The following ROBO2 variants were observed in gnomAD, a reference collection of about 807,000 sequenced individuals.
The protein encoded by ROBO2 is roundabout homolog 2.
Under a neutral mutation model 160.8 loss-of-function variants are expected in ROBO2, and 53 were observed. The observed-to-expected ratio is 0.33, with a 90% CI of 0.26 to 0.41. The LOEUF (loss-of-function observed/expected upper bound fraction) is 0.41, where lower values mean the gene tolerates loss of function less well. Among genes scored for constraint, ROBO2 ranks in the 10% least tolerant of loss-of-function variants. The pLI is 1.00. For missense variants in ROBO2, 1,577 were observed against 1,722.4 expected (o/e 0.92, Z 1.49); for synonymous variants, 664 against 611.7 (o/e 1.09, Z -1.26).
At chr3:76,212,681 C>T (rs958541751) in intron 2 of ROBO2, among the ~76,000 whole-genome samples, 1 of 152,072 alleles carries the variant, frequency 6.6e-6, no homozygotes, top group Non-Finnish European at 1.5e-5. Context: ...ATAATTAATT[C>T]TGATTCATCA....
intron 2 of ROBO2, among the ~76,000 whole-genome samples, chr3:77,177,024 TA>T (rs55852321): frequency 6.6e-6 from 1 of 151,532 alleles, no homozygotes. Context: ...GTTTTTGACT[TA>T]AAAAAATGGA....
intron 2 of ROBO2, among the ~76,000 whole-genome samples, chr3:76,013,053 G>T (rs887485504): frequency 6.7e-6 from 1 of 148,290 alleles, no homozygotes; most frequent in Admixed American, 6.8e-5. Flanking sequence ...GGTGGCTTAT[G>T]CGTGTAATCC....
In ROBO2 at chr3:77,118,540, T is replaced by A. The variant is rs569815566; in HGVS notation, c.388+20200T>A. The stretch of plus-strand genomic sequence containing the variant: ...ATGTTTTACACAGTTATTTTAAAAT[T>A]GGAGATGCTCCCTACGTGCACTCTA... On this transcript the variant is annotated intron_variant, in intron 2 of 25. Transcript: ENST00000461745. 3.9e-5 allele frequency among the ~76,000 whole-genome samples: 6 copies of A among 152,306 alleles called. No individual in the cohort carries two copies. In the South Asian group the frequency reaches 1.2e-3, roughly 32 times the overall value.
chr3:76,829,416 C>A (rs557121052), intron 2 of ROBO2, among the ~76,000 whole-genome samples: 3 of 152,102 alleles, frequency 2.0e-5, no homozygotes, highest in South Asian at 4.1e-4. Flanking sequence ...CACCATGGCA[C>A]GTGTATACCT....
chr3:76,576,403 T>G (rs1650387306), intron 2 of ROBO2, among the ~76,000 whole-genome samples: 2 of 152,066 alleles, frequency 1.3e-5, no homozygotes, highest in South Asian at 4.1e-4. Flanking sequence ...AATTCTTGAA[T>G]GCAACCGTCT....
At chr3:77,596,794 T>A in intron 19 of ROBO2, 44 bp downstream of exon 20, 1 of 1,505,214 alleles carries the variant, frequency 6.6e-7, no homozygotes, top group Admixed American at 2.1e-5. Flanking sequence ...GTTCTCTCTC[T>A]CTTTTTTTTT....
At chr3:77,137,809 C>T (rs528059211) in intron 2 of ROBO2, among the ~76,000 whole-genome samples, 7 of 152,264 alleles carry the variant, frequency 4.6e-5, no homozygotes, top group South Asian at 2.1e-4. Context: ...ATTTTATCTG[C>T]GTAAGCCTGA....
At chr3:75,962,746 T>A (rs7631453) in intron 2 of ROBO2, among the ~76,000 whole-genome samples, 173 of 152,014 alleles carry the variant, frequency 1.1e-3, no homozygotes, top group African/African-American at 4.0e-3. Context: ...GCAATTGTTT[T>A]CCAAATATAA....
chr3:76,403,082 T>A (rs373716388), intron 2 of ROBO2, among the ~76,000 whole-genome samples: 2 of 151,588 alleles, frequency 1.3e-5, no homozygotes, highest in Admixed American at 1.3e-4. Flanking sequence ...CATACAACTT[T>A]GGAATGTACA....
intron 23 of ROBO2, among the ~76,000 whole-genome samples, chr3:77,628,801 C>T (rs2095093324): frequency 6.6e-6 from 1 of 152,202 alleles, no homozygotes; most frequent in African/African-American, 2.4e-5. Context: ...CACAACTACA[C>T]TAACGTGAGA....
chr3:77,186,119 C>A (rs2081265609), intron 2 of ROBO2, among the ~76,000 whole-genome samples: 1 of 151,836 alleles, frequency 6.6e-6, no homozygotes, highest in Non-Finnish European at 1.5e-5. Flanking sequence ...ATCTCACCAT[C>A]ACCGTGAAAT....
chr3:76,768,025 G>A (rs1026761586), intron 2 of ROBO2, among the ~76,000 whole-genome samples: 1 of 151,364 alleles, frequency 6.6e-6, no homozygotes, highest in Non-Finnish European at 1.5e-5. Flanking sequence ...TTTGTTTTTA[G>A]CCAATTGGCA....
At chr3:77,480,687 A>G (rs2153588257) in intron 3 of ROBO2, among the ~76,000 whole-genome samples, 1 of 152,118 alleles carries the variant, frequency 6.6e-6, no homozygotes, top group Non-Finnish European at 1.5e-5. Flanking sequence ...GTAAGTATGG[A>G]TATATATACT....
At chr3:76,932,030 C>T (rs1045562762) in intron 2 of ROBO2, among the ~76,000 whole-genome samples, 2 of 152,110 alleles carry the variant, frequency 1.3e-5, no homozygotes, top group African/African-American at 2.4e-5. Context: ...GAGAAACATC[C>T]TCCAAAGACT....
exon 21 of ROBO2, chr3:77,607,889 C>T (rs765084555): frequency 6.2e-6 from 10 of 1,613,760 alleles, no homozygotes; most frequent in South Asian, 5.5e-5. Flanking sequence ...CTCTACCTCC[C>T]CCCCCAGTCC....
intron 2 of ROBO2, among the ~76,000 whole-genome samples, chr3:77,027,442 C>T (rs2149533530): frequency 6.6e-6 from 1 of 152,202 alleles, no homozygotes; most frequent in Non-Finnish European, 1.5e-5. Flanking sequence ...AAAGTATACG[C>T]AGAAATGATC....
intron 2 of ROBO2, among the ~76,000 whole-genome samples, chr3:77,367,762 A>G (rs956869954): frequency 2.0e-5 from 3 of 152,076 alleles, no homozygotes; most frequent in African/African-American, 4.8e-5. Context: ...TATCCTCTCC[A>G]TGGGATTCTG....
chr3:76,820,584 G>C (rs2066036646), intron 2 of ROBO2, among the ~76,000 whole-genome samples: 1 of 151,844 alleles, frequency 6.6e-6, no homozygotes, highest in African/African-American at 2.4e-5. Context: ...TTTAGCCATG[G>C]CCAAATAAAT....
intron 2 of ROBO2, among the ~76,000 whole-genome samples, chr3:76,615,410 A>AATC (rs1392874334): frequency 6.6e-6 from 1 of 152,136 alleles, no homozygotes; most frequent in African/African-American, 2.4e-5. Context: ...TAATAATAAT[A>AATC]ATCATCCCCT....
Sources: gnomAD v4.1 joint callset for allele counts (sites outside exome capture counted in the v4.1 genomes callset) on GRCh38, gnomAD v4.1.1 for gene constraint, MANE v1.5 for transcripts, NCBI Gene and HGNC (gene_info 2026-07-23, HGNC 2026-07-21) for gene names.